Variants in ROR1 observed in about 807,000 individuals in gnomAD.
ROR1 encodes inactive tyrosine-protein kinase transmembrane receptor ROR1.
In ROR1, 19 loss-of-function variants were observed where a neutral mutation model predicts 78.8. The observed-to-expected ratio is 0.24, with a 90% CI of 0.17 to 0.35. The LOEUF is 0.35. Among genes scored for constraint, ROR1 ranks in the 10% least tolerant of loss-of-function variants. The pLI is 1.00. For missense variants in ROR1, 917 were observed against 1,177.8 expected (o/e 0.78, Z 3.24); for synonymous variants, 386 against 433.6 (o/e 0.89, Z 1.36).
intron 1 of ROR1, among the ~76,000 whole-genome samples, chr1:63,888,515 T>C (rs891717850): frequency 1.3e-5 from 2 of 151,922 alleles, no homozygotes; most frequent in Admixed American, 1.3e-4. Context: ...CCCAGCTACT[T>C]GGGAGGCTGA....
intron 4 of ROR1, among the ~76,000 whole-genome samples, chr1:64,063,242 C>T (rs1646930847): frequency 6.6e-6 from 1 of 152,198 alleles, no homozygotes; most frequent in African/African-American, 2.4e-5. Context: ...TTTGTTTGTA[C>T]AGATTCCTCT....
At chr1:63,974,291 T>A (rs1289251731) in intron 1 of ROR1, among the ~76,000 whole-genome samples, 2 of 152,280 alleles carry the variant, frequency 1.3e-5, no homozygotes, top group East Asian at 3.9e-4. Flanking sequence ...GCTTCATTCT[T>A]AGCAAAATGG....
At chr1:64,132,077 G>C (rs1648930937) in intron 4 of ROR1, among the ~76,000 whole-genome samples, 1 of 151,914 alleles carries the variant, frequency 6.6e-6, no homozygotes, top group African/African-American at 2.4e-5. Flanking sequence ...CCTGTCCCCA[G>C]CCCCTAGCAA....
At chr1:63,800,247 A>G (rs578138769) in intron 1 of ROR1, among the ~76,000 whole-genome samples, 6 of 152,302 alleles carry the variant, frequency 3.9e-5, no homozygotes, top group East Asian at 1.9e-4. Context: ...TCTGATGACA[A>G]TGTCAACCCC....
At chr1:63,990,817 G>A (rs1277860624) in intron 1 of ROR1, among the ~76,000 whole-genome samples, 1 of 152,142 alleles carries the variant, frequency 6.6e-6, no homozygotes, top group Non-Finnish European at 1.5e-5. Context: ...AACAAAAAGT[G>A]AAGGAGAGGG....
intron 1 of ROR1, among the ~76,000 whole-genome samples, chr1:63,854,598 A>G (rs759782215): frequency 2.0e-5 from 3 of 152,220 alleles, no homozygotes; most frequent in Non-Finnish European, 4.4e-5. Context: ...AGTATCTAGC[A>G]GTGTGAGCAA....
Position 63,871,235 on chromosome 1 carries a change from G to A in ROR1, c.91+96727G>A, listed in dbSNP as rs1488296375. 2.6e-5 allele frequency among the ~76,000 whole-genome samples: 4 copies of A among 152,316 alleles called. No individual in the cohort carries two copies. In the East Asian group the frequency reaches 7.7e-4, roughly 29 times the overall value. ...TTTCAAAATCTATGAAAAGGAGACA[G>A]TTCTGGTCACCATAATAAGTACATG... On this transcript the variant is annotated intron_variant, in intron 1 of 8. Transcript: ENST00000371079.
chr1:63,817,704 G>A (rs142202152), intron 1 of ROR1, among the ~76,000 whole-genome samples: 24 of 152,266 alleles, frequency 1.6e-4, no homozygotes, highest in African/African-American at 5.8e-4. Context: ...TGCAGTTACT[G>A]GGACTCACTC....
chr1:63,833,808 A>G (rs1362656485), intron 1 of ROR1, among the ~76,000 whole-genome samples: 1 of 151,742 alleles, frequency 6.6e-6, no homozygotes, highest in Admixed American at 6.6e-5. Flanking sequence ...TGGGTGATCT[A>G]AGAGAATAGT....
At chr1:63,943,588 GAGCAGATACCGGGTGAGAGCT>G (rs757360237) in intron 1 of ROR1, among the ~76,000 whole-genome samples, 73 of 152,318 alleles carry the variant, frequency 4.8e-4, no homozygotes, top group Non-Finnish European at 4.6e-4. Flanking sequence ...GGCATTAGCA[GAGCAGATACCGGGTGAGAGCT>G]CTGTCTCTGC....
At chr1:64,090,520 A>G (rs1315494913) in intron 4 of ROR1, among the ~76,000 whole-genome samples, 3 of 152,242 alleles carry the variant, frequency 2.0e-5, no homozygotes, top group Non-Finnish European at 4.4e-5. Flanking sequence ...ATAAACAAAT[A>G]AACATATTGG....
At chr1:64,125,721 A>G (rs546118356) in intron 4 of ROR1, among the ~76,000 whole-genome samples, 2 of 152,288 alleles carry the variant, frequency 1.3e-5, no homozygotes, top group South Asian at 4.1e-4. Context: ...AGAAATAGGG[A>G]TGGAACTTGC....
At position 64,125,546 on chromosome 1, in the gene ROR1, C is replaced by T. The variant is rs572090321; in HGVS notation, c.483-11823C>T. ...TGGAGTCAGATACGATTCCGTACTACGAGCCCCACATAACAGCAACCTGGG... is the reference window on the plus strand; with the variant it reads ...TGGAGTCAGATACGATTCCGTACTATGAGCCCCACATAACAGCAACCTGGG... On this transcript the variant is annotated intron_variant, in intron 4 of 8. Transcript: ENST00000371079. Among the ~76,000 whole-genome samples, 19 of 152,220 alleles carry T rather than the reference C, an allele frequency of 1.2e-4. No individual in the cohort carries two copies. The East Asian group carries it at 2.7e-3, about 22-fold the overall frequency.
chr1:64,151,473 G>A (rs1649618778), intron 7 of ROR1, among the ~76,000 whole-genome samples: 1 of 152,210 alleles, frequency 6.6e-6, no homozygotes, highest in Non-Finnish European at 1.5e-5. Flanking sequence ...CAAGGAGCTG[G>A]TCAGAAAGGA....
intron 1 of ROR1, among the ~76,000 whole-genome samples, chr1:63,906,235 A>G (rs1206100377): frequency 6.6e-6 from 1 of 152,184 alleles, no homozygotes; most frequent in South Asian, 2.1e-4. Context: ...AGCCTCATAG[A>G]TACGGGTCCT....
At chr1:64,074,956 A>G (rs1316692867) in intron 4 of ROR1, among the ~76,000 whole-genome samples, 1 of 152,204 alleles carries the variant, frequency 6.6e-6, no homozygotes, top group East Asian at 1.9e-4. Context: ...GGCACATGAT[A>G]ATAATAGTAG....
chr1:63,960,798 T>G (rs17125871), intron 1 of ROR1, among the ~76,000 whole-genome samples: 4,186 of 152,238 alleles, frequency 0.027, 124 homozygotes, highest in East Asian at 0.17. Flanking sequence ...AAGGATTAGG[T>G]TTTTGAGGAG....
intron 1 of ROR1, among the ~76,000 whole-genome samples, chr1:63,943,093 TAAAAAAA>T (rs56230309): frequency 1.7e-5 from 2 of 115,022 alleles, no homozygotes; most frequent in Admixed American, 9.5e-5. Flanking sequence ...ACCCTGTCTT[TAAAAAAA>T]AAAAAAAAAA....
chr1:64,018,162 G>A (rs775563890), intron 2 of ROR1, among the ~76,000 whole-genome samples: 13 of 152,036 alleles, frequency 8.6e-5, no homozygotes, highest in Non-Finnish European at 1.6e-4. Context: ...CCTAGCCCTG[G>A]GCCCACAGCT....
Sources: gnomAD v4.1 joint callset for allele counts (sites outside exome capture counted in the v4.1 genomes callset) on GRCh38, gnomAD v4.1.1 for gene constraint, MANE v1.5 for transcripts, NCBI Gene and HGNC (gene_info 2026-07-23, HGNC 2026-07-21) for gene names.